PDZD2: variants seen among roughly 807,000 people sequenced by gnomAD.
PDZD2 encodes the protein PDZ domain-containing protein 2.
PDZD2 carries 90 observed loss-of-function variants against 220.7 expected under a neutral mutation model. That is an observed-to-expected ratio of 0.41 (90% CI 0.34 to 0.49). PDZD2 has a LOEUF of 0.49. PDZD2 is among the 20% of genes least tolerant of loss of function. The pLI, the probability that PDZD2 is intolerant of heterozygous loss-of-function variation, is 0.28. For synonymous variants in PDZD2, 1,375 were observed against 1,450.5 expected (o/e 0.95, Z 1.18); for missense variants, 3,174 against 3,608.5 (o/e 0.88, Z 3.08).
In PDZD2 at chr5:32,100,748, G is replaced by A. The variant is rs532412728; in HGVS notation, c.8219-357G>A. ...AGAAAATCAAATTTGGAGTCCCCAA[G>A]TGTGACTTCAGTCCTCACTGAGAAG... On this transcript the variant is annotated intron_variant, in intron 23 of 24. Transcript: ENST00000438447. 1.1e-3 allele frequency: 544 copies of A among 501,392 alleles called. 4 individuals carry two copies. Among genetic ancestry groups the A allele is most frequent in the South Asian group, 2.3e-3 (137 of 59,614 alleles). 31.1% of individuals were successfully genotyped at this position (501,392 alleles called of 1,614,324 possible).
Position 32,089,204 on chromosome 5 carries a change from C to T in PDZD2, c.5756C>T (p.Ser1919Leu). ...ACGGACCACAGGAAACCCTTGATCT[C>T]ACCCCAGACCTCCCACAAAACACTT... is the stretch of plus-strand genomic sequence containing the variant. ...GGTDHRKPLI[S>L]PQTSHKTLSK... The change falls in exon 20 of 25, where the codon TCA (serine) becomes TTA (leucine). Residue 1919 changes from serine (S) to leucine (L), a missense_variant. By Grantham distance (145) the Ser-to-Leu change is moderately radical. This residue lies in a region of PDZD2 where 1,861 missense variants were observed against 2,001.0 expected (regional missense o/e 0.93). Transcript: ENST00000438447. 2 of 1,614,200 alleles carry T rather than the reference C, an allele frequency of 1.2e-6. No individual in the cohort carries two copies. The highest frequency in any genetic ancestry group is 1.7e-6 in the Non-Finnish European group (2 of 1,180,038).
Position 32,010,483 on chromosome 5 carries a change from G to A in PDZD2, c.1407+1G>A. 5 of 1,606,570 alleles carry A rather than the reference G, an allele frequency of 3.1e-6. No individual in the cohort carries two copies. Among genetic ancestry groups the A allele is most frequent in the Non-Finnish European group, 4.3e-6 (5 of 1,174,000 alleles). ...AACCAGCTCTTCTGTCCAGAGAGCA[G>A]TAAGTGGCTCTGTGCTCCTGGCTTT... On this transcript the variant is annotated splice_donor_variant, in intron 6 of 24. Transcript: ENST00000438447. LOFTEE classifies it high-confidence loss of function.
intron 2 of PDZD2, chr5:31,840,726 T>G (rs1757252636): frequency 3.8e-6 from 3 of 783,228 alleles, no homozygotes; most frequent in Non-Finnish European, 6.9e-6. Context: ...GGCAAGAATC[T>G]TGCCCTTAAC....
intron 1 of PDZD2, chr5:31,787,809 A>T (rs1294406015): frequency 6.6e-6 from 1 of 152,084 alleles, no homozygotes; most frequent in African/African-American, 2.4e-5. Context: ...CTCAGCATTG[A>T]CCTTGGAAAG....
In PDZD2 at chr5:31,878,418, C is replaced by G. The variant is rs938427092; in HGVS notation, c.476+78694C>G. On this transcript the variant is annotated intron_variant, in intron 2 of 24. Transcript: ENST00000438447. ...TTTCTGAACTTCAGAAGAACATAGA[C>G]AAGCCCAAGACCATGAATGGCATAG... Among the ~76,000 whole-genome samples, 31 of 152,184 alleles carry G rather than the reference C, an allele frequency of 2.0e-4. No homozygotes were observed. In the South Asian group the frequency reaches 2.1e-3, roughly 10 times the overall value.
At chr5:32,003,586 C>T (rs1056724290) in intron 5 of PDZD2, among the ~76,000 whole-genome samples, 1 of 152,142 alleles carries the variant, frequency 6.6e-6, no homozygotes, top group Non-Finnish European at 1.5e-5. Flanking sequence ...TTGCACAGCC[C>T]ACCTCCTCAA....
At chr5:31,752,073 G>GTT (rs3032803) in intron 1 of PDZD2, among the ~76,000 whole-genome samples, 2,535 of 95,030 alleles carry the variant, frequency 0.027, 191 homozygotes, top group African/African-American at 0.1. Context: ...TTTTGGGTTT[G>GTT]TTTTTTTTTT....
rs750302842 is a variant in PDZD2, at chr5:31,983,611, A to G, written c.933A>G (p.Ser311=). 6.2e-7 allele frequency: 1 copy of G among 1,614,170 alleles called. No individual in the cohort carries two copies. ...CAAGCAATGACAAACGCCGCTTCTC[A>G]AAAGGTGGGAAGACGGACTTCCAAT... ...LTTSNDKRRF[S]KGGKTDFQSS... is the part of the protein sequence containing the mutation. Residue 311 remains serine (S), a synonymous_variant, in exon 3 of 25, where the codon TCA becomes TCG. Transcript: ENST00000438447.
chr5:31,994,299 C>T (rs1054249035), intron 3 of PDZD2, among the ~76,000 whole-genome samples: 6 of 151,668 alleles, frequency 4.0e-5, no homozygotes, highest in African/African-American at 7.3e-5. Context: ...TGAGCCACCA[C>T]GCCCAGCCTG....
In PDZD2 at chr5:31,690,972, G is replaced by A. The variant is rs540736215; in HGVS notation, c.-361+51535G>A. ...TACGGGCGAGTCTAGCAGGAGTGTA[G>A]GGCATGGACAGCAGTGGCACCACAG... On this transcript the variant is annotated intron_variant, in intron 1 of 24. Coordinates refer to ENST00000438447, the MANE Select transcript of PDZD2 (RefSeq NM_178140.4). Among the ~76,000 whole-genome samples the A allele has an allele frequency of 2.0e-5, 3 of 152,316 alleles. No homozygotes were observed. In the South Asian group the frequency reaches 6.2e-4, roughly 32 times the overall value.
At chr5:31,884,696 C>G (rs1740278240) in intron 2 of PDZD2, among the ~76,000 whole-genome samples, 1 of 152,130 alleles carries the variant, frequency 6.6e-6, no homozygotes, top group African/African-American at 2.4e-5. Context: ...TTAGGCGATT[C>G]TCCTGCCTCA....
chr5:32,054,245 AT>A (rs1738871118), intron 10 of PDZD2, among the ~76,000 whole-genome samples: 1 of 146,772 alleles, frequency 6.8e-6, no homozygotes, highest in Admixed American at 6.8e-5. Flanking sequence ...GCGCCTGGTC[AT>A]TAGTGGATAT....
At chr5:31,799,759 G>A in intron 2 of PDZD2, 35 bp downstream of exon 2, 1 of 1,426,308 alleles carries the variant, frequency 7.0e-7, no homozygotes. Context: ...CACAGGGGCT[G>A]GACACGGGAA....
rs1321033197 is a variant in PDZD2 at position 32,074,276 on chromosome 5, C to G, written c.3170C>G (p.Ala1057Gly). Residue 1057 changes from alanine to glycine, a missense_variant, in exon 18 of 25, where the codon GCC becomes GGC. Ala to Gly is a moderately conservative substitution (Grantham distance 60, BLOSUM62 0). This residue lies in a region of PDZD2 where 1,861 missense variants were observed against 2,001.0 expected (regional missense o/e 0.93). Transcript: ENST00000438447. ...ATGGTGGATGCTGCGTCCTATGCAG[C>G]CAACCTCACGGACTCTGCAGAGGCC... ...EGMVDAASYA[A>G]NLTDSAEAPK... 6.2e-7 allele frequency: 1 copy of G among 1,614,146 alleles called. No homozygotes were observed. Among genetic ancestry groups the G allele is most frequent in the African/African-American group, 1.3e-5 (1 of 75,042 alleles).
At chr5:32,077,148 C>T (rs1021741828) in intron 18 of PDZD2, among the ~76,000 whole-genome samples, 8 of 152,124 alleles carry the variant, frequency 5.3e-5, no homozygotes, top group African/African-American at 1.4e-4. Flanking sequence ...ATAACAATAC[C>T]TTACATCTGT....
intron 2 of PDZD2, among the ~76,000 whole-genome samples, chr5:31,839,349 C>T (rs995074302): frequency 6.6e-6 from 1 of 151,584 alleles, no homozygotes; most frequent in Non-Finnish European, 1.5e-5. Flanking sequence ...AAGGAGTTTG[C>T]ACATAAGTTA....
rs1164715093 is a variant in PDZD2, at chr5:31,744,404, C to T, written c.-360-54485C>T. ...ACATCCTTACTAGGTAAAAAAAGTC[C>T]GTTCTTTCACAGCTGGTATCCAAGA... is the stretch of plus-strand genomic sequence containing the variant. On this transcript the variant is annotated intron_variant, in intron 1 of 24. Transcript: ENST00000438447. The T allele has an allele frequency of 2.6e-5, 4 of 151,838 alleles. No individual in the cohort carries two copies. The South Asian group carries it at 6.3e-4, about 24-fold the overall frequency. The allele number at this position is 151,838 out of a possible 1,614,324, so 9.4% of individuals were successfully genotyped here.
intron 2 of PDZD2, among the ~76,000 whole-genome samples, chr5:31,913,238 G>A (rs1188982212): frequency 1.6e-4 from 25 of 152,078 alleles, no homozygotes; most frequent in Admixed American, 1.6e-3. Context: ...CCACTCAGGA[G>A]GCTGAGGCAC....
chr5:31,802,561 C>T (rs568955882), intron 2 of PDZD2, among the ~76,000 whole-genome samples: 2 of 152,110 alleles, frequency 1.3e-5, no homozygotes, highest in African/African-American at 2.4e-5. Flanking sequence ...CAGTGGGATT[C>T]GTTAATTGTT....
Sources: allele counts gnomAD v4.1 joint callset (sites outside exome capture counted in the v4.1 genomes callset), GRCh38; gene constraint gnomAD v4.1.1; regional missense constraint gnomAD v4.1.1; transcripts MANE v1.5; gene names NCBI Gene and HGNC (gene_info 2026-07-23, HGNC 2026-07-21).